Variants in EDEM2 observed in about 807,000 individuals in gnomAD.
EDEM2 encodes ER degradation-enhancing alpha-mannosidase-like protein 2.
Under a neutral mutation model 64.8 loss-of-function variants are expected in EDEM2, and 39 were observed. The ratio of observed to expected loss-of-function variants is 0.60; its 90% CI spans 0.47 to 0.79. The LOEUF (loss-of-function observed/expected upper bound fraction) is 0.79. Among genes scored for constraint, EDEM2 ranks in the 30% least tolerant of loss-of-function variants. EDEM2 has a pLI of 0.00. For missense variants in EDEM2, 609 were observed against 731.3 expected (o/e 0.83, Z 1.93); for synonymous variants, 296 against 291.5 (o/e 1.02, Z -0.16).
chr20:35,126,133 G>T, intron 8 of EDEM2, 118 bp downstream of exon 8: 1 of 1,336,142 alleles, frequency 7.5e-7, no homozygotes, highest in Non-Finnish European at 1.0e-6. Flanking sequence ...TCCTCAACCT[G>T]TCCCTCCAAA....
chr20:35,128,196 C>T (rs1247325280), intron 7 of EDEM2, among the ~76,000 whole-genome samples: 1 of 151,942 alleles, frequency 6.6e-6, no homozygotes, highest in East Asian at 1.9e-4. Flanking sequence ...TCCTGCCTAA[C>T]ACGGTGAAAC....
At chr20:35,136,495 G>A (rs1415750655) in intron 5 of EDEM2, among the ~76,000 whole-genome samples, 2 of 152,132 alleles carry the variant, frequency 1.3e-5, no homozygotes, top group African/African-American at 2.4e-5. Flanking sequence ...GGTGGCTCAC[G>A]CCTGTAATCC....
chr20:35,144,717 A>G (rs777528988), intron 3 of EDEM2, among the ~76,000 whole-genome samples: 1 of 152,182 alleles, frequency 6.6e-6, no homozygotes, highest in Non-Finnish European at 1.5e-5. Context: ...TGTATCCCCC[A>G]TAGAGCTATG....
At chr20:35,141,098 C>T (rs370068651) in intron 4 of EDEM2, among the ~76,000 whole-genome samples, 4 of 120,482 alleles carry the variant, frequency 3.3e-5, no homozygotes, top group African/African-American at 6.7e-5. Flanking sequence ...CCCGCCTGGG[C>T]GACAGAGTGA....
intron 7 of EDEM2, 30 bp from the exon 8 acceptor site, chr20:35,126,405 T>C: frequency 1.9e-6 from 3 of 1,611,414 alleles, no homozygotes; most frequent in East Asian, 2.2e-5. Flanking sequence ...ATAATGGACA[T>C]ATGAGTGATT....
chr20:35,138,502 T>A (rs1340671615), intron 4 of EDEM2, among the ~76,000 whole-genome samples: 1 of 152,084 alleles, frequency 6.6e-6, no homozygotes, highest in Non-Finnish European at 1.5e-5. Context: ...CTGTCATACC[T>A]GGGGGGAAGG....
At position 35,146,808 on chromosome 20, in the gene EDEM2, C is replaced by T. The variant is rs756105208; in HGVS notation, c.218+17G>A. On this transcript the variant is annotated intron_variant, in intron 2 of 10. Coordinates refer to ENST00000374492, the MANE Select transcript of EDEM2 (RefSeq NM_018217.3). ...GAGTCAGACCCTGGCCGCCCCTTGC[C>T]CCTCCGCTCGCACTACCTGCCCCAG... 39 of 1,612,232 alleles carry T rather than the reference C, an allele frequency of 2.4e-5. No homozygotes were observed. The highest frequency in any genetic ancestry group is 1.5e-5 in the Non-Finnish European group (18 of 1,179,428).
rs1368812507 is a variant in EDEM2, at chr20:35,115,621, T to C, written c.1549A>G (p.Lys517Glu). The change falls in exon 11 of 11, where the codon AAA becomes GAA. Residue 517 changes from lysine (K) to glutamate (E), a missense_variant. Transcript: ENST00000374492. The stretch of plus-strand genomic sequence containing the variant: ...CATGGCCCCGAACTAACAGTGTTTT[T>C]CTGAAATTTCGACCTGCTCCGTTTG... ...SLKRSRSKFQ[K>E]NTVSSGPWEP... 2 of 1,614,174 alleles carry C rather than the reference T, an allele frequency of 1.2e-6. No individual in the cohort carries two copies. Among genetic ancestry groups the C allele is most frequent in the Admixed American group, 3.3e-5 (2 of 60,026 alleles).
intron 6 of EDEM2, among the ~76,000 whole-genome samples, chr20:35,132,961 G>T (rs1389816964): frequency 1.3e-5 from 2 of 152,170 alleles, no homozygotes; most frequent in Non-Finnish European, 2.9e-5. Flanking sequence ...ACCTCATTCT[G>T]CCTGAAAGTA....
chr20:35,130,546 T>C (rs887197692), intron 7 of EDEM2, among the ~76,000 whole-genome samples: 1 of 152,180 alleles, frequency 6.6e-6, no homozygotes, highest in African/African-American at 2.4e-5. Context: ...TTTGTTTTTT[T>C]AGAGAGGGGG....
At chr20:35,125,967 G>A (rs987076406) in intron 8 of EDEM2, among the ~76,000 whole-genome samples, 1 of 152,152 alleles carries the variant, frequency 6.6e-6, no homozygotes, top group African/African-American at 2.4e-5. Flanking sequence ...GCCCAGTGGA[G>A]AAACACCTGT....
intron 7 of EDEM2, among the ~76,000 whole-genome samples, 165 bp downstream of exon 7, chr20:35,131,477 A>G (rs2085504207): frequency 6.6e-6 from 1 of 152,192 alleles, no homozygotes; most frequent in South Asian, 2.1e-4. Context: ...GAGGCATGAG[A>G]ATCACTTGAA....
chr20:35,127,613 G>A (rs996732291), intron 7 of EDEM2, among the ~76,000 whole-genome samples: 9 of 152,168 alleles, frequency 5.9e-5, no homozygotes, highest in African/African-American at 2.2e-4. Flanking sequence ...GGAGTTGTAA[G>A]GATTATATGA....
At chr20:35,147,021 T>C in intron 1 of EDEM2, 86 bp from the exon 2 acceptor site, 3 of 1,556,128 alleles carry the variant, frequency 1.9e-6, no homozygotes, top group Non-Finnish European at 2.6e-6. Context: ...AAAGTGGGAA[T>C]CACTAGCTGA....
intron 2 of EDEM2, among the ~76,000 whole-genome samples, chr20:35,145,226 T>A (rs1231531601): frequency 6.6e-6 from 1 of 152,210 alleles, no homozygotes; most frequent in African/African-American, 2.4e-5. Context: ...CTGATGTAGC[T>A]CAATTGTAAT....
chr20:35,146,530 A>G (rs2085734479), intron 2 of EDEM2, among the ~76,000 whole-genome samples: 1 of 152,148 alleles, frequency 6.6e-6, no homozygotes, highest in South Asian at 2.1e-4. Context: ...GAGCCCTTCC[A>G]CGGTATCTCG....
chr20:35,146,887 C>T lies in EDEM2; in HGVS notation c.156G>A (p.Glu52=). The T allele has an allele frequency of 1.2e-6, 2 of 1,614,188 alleles. No individual in the cohort carries two copies. The highest frequency in any genetic ancestry group is 1.7e-6 in the Non-Finnish European group (2 of 1,180,014). ...MFYHAYDSYL[E]NAFPFDELRP... ...GCAGCTCATCGAAGGGAAAGGCATT[C>T]TCCAGGTAGCTGTCGTAGGCGTGGT... is the stretch of plus-strand genomic sequence containing the variant. The change falls in exon 2 of 11, where the codon GAG becomes GAA. Residue 52 remains glutamate (E), a synonymous_variant. Transcript: ENST00000374492.
chr20:35,127,381 T>C (rs1370443007), intron 7 of EDEM2, among the ~76,000 whole-genome samples: 1 of 152,300 alleles, frequency 6.6e-6, no homozygotes, highest in South Asian at 2.1e-4. Flanking sequence ...CAGGCTCCTA[T>C]GAGTTTGTAA....
chr20:35,146,779 CAG>C lies in EDEM2; in HGVS notation c.218+44_218+45del, dbSNP rs527435313. 84 of 1,597,950 alleles carry C rather than the reference CAG, an allele frequency of 5.3e-5. No homozygotes were observed. The East Asian group carries it at 1.6e-3, about 30-fold the overall frequency. On this transcript the variant is annotated intron_variant, in intron 2 of 10. Coordinates refer to ENST00000374492, the MANE Select transcript of EDEM2 (RefSeq NM_018217.3). ...CCCAGCTGACCCGCCCGCCGAGGCC[CAG>C]AGAGTCAGACCCTGGCCGCCCCTTG...
Sources: allele counts gnomAD v4.1 joint callset (sites outside exome capture counted in the v4.1 genomes callset), GRCh38; gene constraint gnomAD v4.1.1; transcripts MANE v1.5; gene names NCBI Gene and HGNC (gene_info 2026-07-23, HGNC 2026-07-21).